Variants in CLVS1 observed in about 807,000 individuals in gnomAD.
CLVS1 encodes the protein clavesin 1.
CLVS1 carries 10 observed loss-of-function variants against 33.1 expected under a neutral mutation model. The ratio of observed to expected loss-of-function variants is 0.30; its 90% CI spans 0.19 to 0.51. The LOEUF (loss-of-function observed/expected upper bound fraction) is 0.51, where lower values mean the gene tolerates loss of function less well. Ranked by LOEUF, CLVS1 falls within the 20% of genes least tolerant of loss-of-function variation. CLVS1 has a pLI of 0.97. For synonymous variants in CLVS1, 163 were observed against 166.1 expected, an observed-to-expected ratio of 0.98 and a Z score of 0.14; for missense variants, 343 against 433.4, an observed-to-expected ratio of 0.79 and a Z score of 1.85.
chr8:61,305,984 A>G (rs1810611633), intron 2 of CLVS1, among the ~76,000 whole-genome samples: 1 of 152,166 alleles, frequency 6.6e-6, no homozygotes, highest in Non-Finnish European at 1.5e-5. Context: ...TACTGTGAAT[A>G]GTGCTGCAAT....
the CLVS1 span, among the ~76,000 whole-genome samples, chr8:61,029,328 C>T: frequency 2.0e-5 from 3 of 152,160 alleles, no homozygotes; most frequent in Non-Finnish European, 2.9e-5. Flanking sequence ...TGGTTTACTG[C>T]GAGTTCCCTG....
At chr8:61,044,668 C>G in the CLVS1 span, among the ~76,000 whole-genome samples, 1 of 152,200 alleles carries the variant, frequency 6.6e-6, no homozygotes, top group Non-Finnish European at 1.5e-5. Flanking sequence ...TGAAAATGGA[C>G]TATTGCTGCA....
intron 2 of CLVS1, among the ~76,000 whole-genome samples, chr8:61,177,132 C>T (rs967113241): frequency 6.6e-6 from 1 of 152,208 alleles, no homozygotes; most frequent in African/African-American, 2.4e-5. Flanking sequence ...CTCCAGGCAA[C>T]ACTTTTCCCC....
upstream of CLVS1, among the ~76,000 whole-genome samples, chr8:61,283,004 A>T (rs1809705604): frequency 6.6e-6 from 1 of 152,228 alleles, no homozygotes; most frequent in Non-Finnish European, 1.5e-5. Context: ...TATAGTCTGG[A>T]CAGGAATATT....
chr8:61,164,715 G>A (rs1291468671), intron 2 of CLVS1, among the ~76,000 whole-genome samples: 1 of 152,074 alleles, frequency 6.6e-6, no homozygotes, highest in African/African-American at 2.4e-5. Context: ...CCCCACACAC[G>A]AGGTTTTCTC....
At chr8:61,392,875 T>C (rs926473424) in intron 3 of CLVS1, among the ~76,000 whole-genome samples, 6 of 152,218 alleles carry the variant, frequency 3.9e-5, no homozygotes, top group South Asian at 4.1e-4. Context: ...CATTGTTTAA[T>C]TCTTTTTCTT....
the CLVS1 span, among the ~76,000 whole-genome samples, chr8:61,001,088 C>G: frequency 1.3e-5 from 2 of 152,170 alleles, no homozygotes; most frequent in Admixed American, 1.3e-4. Context: ...AAGTAACTTC[C>G]CAGCTCAAAA....
the CLVS1 span, among the ~76,000 whole-genome samples, chr8:60,969,923 A>T: frequency 6.6e-6 from 1 of 152,238 alleles, no homozygotes; most frequent in Admixed American, 6.5e-5. Flanking sequence ...CATGGGTTCT[A>T]TGCAATTACT....
At position 61,461,242 on chromosome 8, in the gene CLVS1, C is replaced by A. The variant is rs149083798; in HGVS notation, c.977+2700C>A. ...CTTGTCCCTTCCTAAAATGAGTTAT[C>A]CAATTGGAAACTGCTGATTTCTTTG... On this transcript the variant is annotated intron_variant, in intron 5 of 5. Coordinates refer to ENST00000325897, the MANE Select transcript of CLVS1 (RefSeq NM_173519.3). 6.0e-3 allele frequency among the ~76,000 whole-genome samples: 917 copies of A among 152,292 alleles called. 14 individuals carry two copies. Among genetic ancestry groups the A allele is most frequent in the African/African-American group, 0.021 (864 of 41,560 alleles).
intron 2 of CLVS1, among the ~76,000 whole-genome samples, chr8:61,267,501 C>T (rs1236986233): frequency 5.9e-5 from 9 of 152,116 alleles, no homozygotes; most frequent in Non-Finnish European, 7.4e-5. Context: ...CACATTTAGC[C>T]TCTGTTTTTT....
chr8:61,073,008 G>A (rs1024886135), intron 1 of CLVS1, among the ~76,000 whole-genome samples: 1 of 151,936 alleles, frequency 6.6e-6, no homozygotes, highest in African/African-American at 2.4e-5. Context: ...ACTTTCTCTG[G>A]GTTGAGCTGT....
At chr8:61,271,940 G>C (rs2129592751) in intron 2 of CLVS1, among the ~76,000 whole-genome samples, 1 of 152,016 alleles carries the variant, frequency 6.6e-6, no homozygotes, top group Non-Finnish European at 1.5e-5. Context: ...CCTGAATACA[G>C]CACACTGATG....
intron 2 of CLVS1, among the ~76,000 whole-genome samples, chr8:61,236,967 T>A (rs776141017): frequency 1.3e-5 from 2 of 152,162 alleles, no homozygotes; most frequent in Non-Finnish European, 2.9e-5. Flanking sequence ...AGGAACAAAG[T>A]TGTGTTATTA....
intron 2 of CLVS1, among the ~76,000 whole-genome samples, chr8:61,197,926 CTA>C (rs2129304234): frequency 1.3e-5 from 2 of 152,354 alleles, no homozygotes; most frequent in East Asian, 3.9e-4. Flanking sequence ...ACTCTTCCTG[CTA>C]CACAGCCATT....
chr8:61,163,334 T>TA (rs1189045477), intron 2 of CLVS1, among the ~76,000 whole-genome samples: 1 of 152,108 alleles, frequency 6.6e-6, no homozygotes, highest in African/African-American at 2.4e-5. Context: ...ATTCTAAACT[T>TA]AAAAAAATTA....
chr8:61,371,012 C>T (rs1186605496), intron 2 of CLVS1, among the ~76,000 whole-genome samples: 2 of 152,134 alleles, frequency 1.3e-5, no homozygotes, highest in Non-Finnish European at 2.9e-5. Context: ...TGAGTAGATA[C>T]TCAGTGGGAT....
intron 2 of CLVS1, among the ~76,000 whole-genome samples, chr8:61,331,283 C>T (rs1034697788): frequency 5.9e-5 from 9 of 151,956 alleles, no homozygotes; most frequent in African/African-American, 2.2e-4. Flanking sequence ...GGAGCCTTTC[C>T]CAGGAAACAT....
At chr8:61,017,788 G>A in the CLVS1 span, among the ~76,000 whole-genome samples, 3 of 152,166 alleles carry the variant, frequency 2.0e-5, no homozygotes, top group Admixed American at 6.5e-5. Context: ...GGGCTGGGGG[G>A]GCTCCTCTGG....
At chr8:61,064,713 T>A (rs1804644196) in intron 1 of CLVS1, among the ~76,000 whole-genome samples, 1 of 151,822 alleles carries the variant, frequency 6.6e-6, no homozygotes, top group South Asian at 2.1e-4. Flanking sequence ...GCTAATTTTT[T>A]TTTTTTGAGA....
Sources: gnomAD v4.1 joint callset for allele counts (sites outside exome capture counted in the v4.1 genomes callset) on GRCh38, gnomAD v4.1.1 for gene constraint, MANE v1.5 for transcripts, NCBI Gene and HGNC (gene_info 2026-07-23, HGNC 2026-07-21) for gene names.